The following ATXN1 variants were observed in gnomAD, a reference collection of about 807,000 sequenced individuals.
ATXN1 encodes ataxin-1.
Under a neutral mutation model 56.4 loss-of-function variants are expected in ATXN1, and 8 were observed. That is an observed-to-expected ratio of 0.14 (90% CI 0.08 to 0.26). The LOEUF (loss-of-function observed/expected upper bound fraction) is 0.26. Ranked by LOEUF, ATXN1 falls within the 10% of genes least tolerant of loss-of-function variation. The pLI is 1.00. For synonymous variants in ATXN1, 514 were observed against 494.6 expected, an observed-to-expected ratio of 1.04 and a Z score of -0.52; for missense variants, 987 against 1,106.5, an observed-to-expected ratio of 0.89 and a Z score of 1.53.
rs970080028 is a variant in ATXN1 at position 16,745,956 on chromosome 6, G to A, written c.-615+7277C>T. Among the ~76,000 whole-genome samples, 274 of 151,798 alleles carry A rather than the reference G, an allele frequency of 1.8e-3. 1 individual carries two copies. The highest frequency in any genetic ancestry group is 2.3e-3 in the Non-Finnish European group (156 of 67,922). On this transcript the variant is annotated intron_variant, in intron 2 of 7. Coordinates refer to ENST00000436367, the MANE Select transcript of ATXN1 (RefSeq NM_001128164.2). ...TCCGTGTGTGTGTGTGTGTGTGTGT[G>A]TGTGTGTGTGTGTGTGTCTGTTTTT...
At chr6:16,668,009 C>T (rs1758466517) in intron 2 of ATXN1, among the ~76,000 whole-genome samples, 1 of 152,184 alleles carries the variant, frequency 6.6e-6, no homozygotes, top group Admixed American at 6.5e-5. Flanking sequence ...TGTAATGTTG[C>T]CTCATTTGTG....
At chr6:16,568,229 A>AAGAAT (rs1161315161) in intron 4 of ATXN1, among the ~76,000 whole-genome samples, 1 of 152,252 alleles carries the variant, frequency 6.6e-6, no homozygotes, top group African/African-American at 2.4e-5. Context: ...TCCAATTCGC[A>AAGAAT]AGAATATTTG....
chr6:16,744,898 G>C (rs1760472779), intron 2 of ATXN1, among the ~76,000 whole-genome samples: 1 of 152,108 alleles, frequency 6.6e-6, no homozygotes, highest in Non-Finnish European at 1.5e-5. Context: ...GAAATGAAAG[G>C]ACACTGGACT....
At chr6:16,453,563 C>G (rs892726776) in intron 6 of ATXN1, among the ~76,000 whole-genome samples, 1 of 152,080 alleles carries the variant, frequency 6.6e-6, no homozygotes, top group African/African-American at 2.4e-5. Flanking sequence ...GAAATGTATG[C>G]AAAAAATATC....
intron 6 of ATXN1, among the ~76,000 whole-genome samples, chr6:16,400,183 T>G (rs1345752929): frequency 6.6e-6 from 1 of 152,194 alleles, no homozygotes; most frequent in Non-Finnish European, 1.5e-5. Flanking sequence ...TCACTCAGTA[T>G]TAATTATTTC....
intron 6 of ATXN1, among the ~76,000 whole-genome samples, chr6:16,366,673 C>T (rs1028095162): frequency 3.3e-5 from 5 of 150,814 alleles, no homozygotes; most frequent in Non-Finnish European, 5.9e-5. Context: ...CCCAGCTACT[C>T]GGGAGGCTGA....
chr6:16,460,821 T>C (rs189226002), intron 6 of ATXN1, among the ~76,000 whole-genome samples: 1 of 152,304 alleles, frequency 6.6e-6, no homozygotes, highest in Admixed American at 6.5e-5. Flanking sequence ...AGTAAGTCTC[T>C]TCCCCCCACG....
chr6:16,588,679 G>T (rs1762670890), intron 3 of ATXN1, among the ~76,000 whole-genome samples: 1 of 152,140 alleles, frequency 6.6e-6, no homozygotes, highest in Admixed American at 6.5e-5. Context: ...CAGAAAGGGA[G>T]AACTGTGTCC....
At chr6:16,660,831 GGTT>G (rs1487715878) in intron 2 of ATXN1, among the ~76,000 whole-genome samples, 1 of 131,198 alleles carries the variant, frequency 7.6e-6, no homozygotes, top group African/African-American at 3.1e-5. Context: ...ATTTTGTTTT[GGTT>G]TTTTTTTTTT....
intron 4 of ATXN1, among the ~76,000 whole-genome samples, chr6:16,568,271 A>C (rs1480471098): frequency 1.3e-5 from 2 of 152,138 alleles, no homozygotes; most frequent in African/African-American, 4.8e-5. Flanking sequence ...TTCTCCAAAC[A>C]TAAAGAGAGT....
At chr6:16,704,017 C>G (rs1759350780) in intron 2 of ATXN1, among the ~76,000 whole-genome samples, 1 of 152,120 alleles carries the variant, frequency 6.6e-6, no homozygotes, top group Non-Finnish European at 1.5e-5. Flanking sequence ...GAGATTCCAT[C>G]TCAAAAAAAC....
intron 4 of ATXN1, among the ~76,000 whole-genome samples, chr6:16,561,992 C>T (rs367838960): frequency 2.6e-5 from 4 of 151,570 alleles, no homozygotes; most frequent in East Asian, 1.9e-4. Flanking sequence ...AGAATAAGTA[C>T]GAAAAGGGAC....
intron 2 of ATXN1, among the ~76,000 whole-genome samples, chr6:16,712,920 G>C (rs1191805010): frequency 6.6e-6 from 1 of 152,148 alleles, no homozygotes; most frequent in African/African-American, 2.4e-5. Flanking sequence ...CTCACAAATG[G>C]CTACGAGGGA....
chr6:16,734,199 G>A lies in ATXN1; in HGVS notation c.-615+19034C>T, dbSNP rs149976761. Among the ~76,000 whole-genome samples the A allele has an allele frequency of 2.4e-3, 362 of 152,260 alleles. 2 individuals carry two copies. The highest frequency in any genetic ancestry group is 3.4e-3 in the Middle Eastern group (1 of 294). On this transcript the variant is annotated intron_variant, in intron 2 of 7. Transcript: ENST00000436367. ...AGTCATATGAAATCATCCTTCTCAG[G>A]TGTTCTGTTTGCTACAAAACATAGC...
chr6:16,304,585 C>T lies in ATXN1; in HGVS notation c.*1744G>A, dbSNP rs974446045. The T allele has an allele frequency of 1.3e-5, 2 of 152,444 alleles. No homozygotes were observed. Among genetic ancestry groups the T allele is most frequent in the African/African-American group, 2.4e-5 (1 of 41,388 alleles). The allele number at this position is 152,444 out of a possible 1,614,324, so 9.4% of individuals were successfully genotyped here. ...AAAATTCTCAGAGTTTCTAAGAGCC[C>T]GCTAAGACCTGGCTTTTTGTGACAG... is the stretch of plus-strand genomic sequence containing the variant. On this transcript the variant is annotated 3_prime_UTR_variant, in exon 8 of 8. Coordinates refer to ENST00000436367, the MANE Select transcript of ATXN1 (RefSeq NM_001128164.2).
intron 4 of ATXN1, among the ~76,000 whole-genome samples, chr6:16,550,478 A>G (rs1581838649): frequency 6.6e-6 from 1 of 152,240 alleles, no homozygotes; most frequent in Non-Finnish European, 1.5e-5. Context: ...TACAGTAGGC[A>G]TAATTATTAG....
intron 2 of ATXN1, among the ~76,000 whole-genome samples, chr6:16,664,349 G>C (rs902112844): frequency 3.3e-5 from 5 of 152,144 alleles, no homozygotes; most frequent in African/African-American, 1.2e-4. Context: ...TCTAAATAAA[G>C]TATGGATTTG....
intron 6 of ATXN1, among the ~76,000 whole-genome samples, chr6:16,429,377 T>TTAA (rs5874556): frequency 7.5e-6 from 1 of 133,206 alleles, no homozygotes; most frequent in Non-Finnish European, 1.5e-5. Context: ...CTTTTAGCAT[T>TTAA]AAAAAAAAAA....
Position 16,306,291 on chromosome 6 carries a change from A to G in ATXN1, c.*38T>C. 1 of 1,556,850 alleles carries G rather than the reference A, an allele frequency of 6.4e-7. No homozygotes were observed. The highest frequency in any genetic ancestry group is 8.6e-7 in the Non-Finnish European group (1 of 1,157,370). On this transcript the variant is annotated 3_prime_UTR_variant, in exon 8 of 8. Transcript: ENST00000436367. This position sits in a 1 kb window ranked among gnomAD's most constrained non-coding sequence, Gnocchi z 5.2. ...CAGTACAGTAATCTGGATACAAATG[A>G]TAAGGGAGAGCCACGTTTCCTTTCC...
Sources: gnomAD v4.1 joint callset for allele counts (sites outside exome capture counted in the v4.1 genomes callset) on GRCh38, gnomAD v4.1.1 for gene constraint, Gnocchi (gnomAD v3.1) non-coding constraint, MANE v1.5 for transcripts, NCBI Gene and HGNC (gene_info 2026-07-23, HGNC 2026-07-21) for gene names.